The following SHB variants were observed in gnomAD, a reference collection of about 807,000 sequenced individuals.
SHB encodes the protein SH2 domain containing adaptor protein B.
Under a neutral mutation model 52.3 loss-of-function variants are expected in SHB, and 20 were observed. That is an observed-to-expected ratio of 0.38 (90% CI 0.27 to 0.56). The LOEUF (loss-of-function observed/expected upper bound fraction) is 0.56, where lower values mean the gene tolerates loss of function less well. Among genes scored for constraint, SHB ranks in the 20% least tolerant of loss-of-function variants. SHB has a pLI of 0.71. For synonymous variants in SHB, 397 were observed against 316.5 expected (o/e 1.25, Z -2.70); for missense variants, 825 against 723.3 (o/e 1.14, Z -1.61).
rs535547079 is a variant in SHB at position 38,066,695 on chromosome 9, CG to C, written c.717+1233del. On this transcript the variant is annotated intron_variant, in intron 1 of 5. Transcript: ENST00000377707. Reference sequence around the variant, plus strand: ...AGGGGAGGGGATATTCTGGGGACCTCGGGGAGGGGAGGCCAGGCAGAAAAAC... The same window carrying C: ...AGGGGAGGGGATATTCTGGGGACCTCGGGAGGGGAGGCCAGGCAGAAAAAC... Among the ~76,000 whole-genome samples the C allele has an allele frequency of 1.3e-4, 20 of 152,174 alleles. No individual in the cohort carries two copies. In the South Asian group the frequency reaches 4.2e-3, roughly 32 times the overall value.
chr9:37,937,630 G>A (rs1254472843), intron 5 of SHB, among the ~76,000 whole-genome samples: 1 of 152,254 alleles, frequency 6.6e-6, no homozygotes, highest in East Asian at 1.9e-4. Context: ...GCCTGCGTGC[G>A]AGTGTGCCGC....
chr9:37,999,953 T>C (rs1227954274), intron 2 of SHB, among the ~76,000 whole-genome samples: 1 of 152,184 alleles, frequency 6.6e-6, no homozygotes, highest in Non-Finnish European at 1.5e-5. Flanking sequence ...TATTTGGCCA[T>C]TCAGAGATTT....
intron 5 of SHB, among the ~76,000 whole-genome samples, chr9:37,946,318 G>C (rs1832490897): frequency 6.6e-6 from 1 of 152,240 alleles, no homozygotes; most frequent in South Asian, 2.1e-4. Context: ...ACCCCAGTGA[G>C]GAGGGGAAAT....
intron 3 of SHB, among the ~76,000 whole-genome samples, chr9:37,959,933 G>A (rs181556503): frequency 6.8e-4 from 104 of 152,204 alleles, no homozygotes; most frequent in Non-Finnish European, 1.2e-3. Flanking sequence ...CATAACAGGT[G>A]CTCAATAAGT....
chr9:38,017,433 C>T (rs1364515230), intron 1 of SHB, among the ~76,000 whole-genome samples: 2 of 152,374 alleles, frequency 1.3e-5, no homozygotes, highest in East Asian at 1.9e-4. Context: ...CCCCCTTTGT[C>T]TGCCTGGTAA....
chr9:37,928,593 C>T (rs1238383402), intron 5 of SHB, among the ~76,000 whole-genome samples: 1 of 152,258 alleles, frequency 6.6e-6, no homozygotes, highest in East Asian at 1.9e-4. Flanking sequence ...GCCCAGCTTC[C>T]CACAGTGCCT....
intron 1 of SHB, among the ~76,000 whole-genome samples, chr9:38,053,211 T>G (rs1821773988): frequency 6.6e-6 from 1 of 152,146 alleles, no homozygotes; most frequent in African/African-American, 2.4e-5. Flanking sequence ...ACAAACTTGT[T>G]TGCCTCAGTT....
chr9:38,044,983 T>A (rs1821631720), intron 1 of SHB, among the ~76,000 whole-genome samples: 1 of 151,964 alleles, frequency 6.6e-6, no homozygotes, highest in South Asian at 2.1e-4. Context: ...GAGCTGAACT[T>A]AAGAGGATGA....
At chr9:37,921,090 A>T (rs551049130) in intron 5 of SHB, among the ~76,000 whole-genome samples, 21 of 152,198 alleles carry the variant, frequency 1.4e-4, no homozygotes, top group African/African-American at 5.1e-4. Flanking sequence ...CTGCCCACTC[A>T]GTTCCACGCC....
chr9:38,034,048 C>T (rs1821451398), intron 1 of SHB, among the ~76,000 whole-genome samples: 2 of 152,196 alleles, frequency 1.3e-5, no homozygotes, highest in South Asian at 4.1e-4. Context: ...AACCTCATTC[C>T]TGGCCCAGCG....
chr9:37,945,814 C>A (rs1832484531), intron 5 of SHB, among the ~76,000 whole-genome samples: 1 of 152,244 alleles, frequency 6.6e-6, no homozygotes, highest in East Asian at 1.9e-4. Context: ...AGTTAGAGAA[C>A]CCCTGATGTC....
chr9:38,033,605 C>T (rs1351028383), intron 1 of SHB, among the ~76,000 whole-genome samples: 3 of 152,348 alleles, frequency 2.0e-5, no homozygotes, highest in Non-Finnish European at 2.9e-5. Flanking sequence ...TGAGTGGTCT[C>T]GTTACACTCC....
intron 1 of SHB, among the ~76,000 whole-genome samples, chr9:38,059,976 G>C (rs1200808994): frequency 6.6e-6 from 1 of 152,196 alleles, no homozygotes; most frequent in African/African-American, 2.4e-5. Context: ...ATAAATGTTG[G>C]AATCAGTCAC....
intron 5 of SHB, among the ~76,000 whole-genome samples, chr9:37,923,227 G>T (rs1344431554): frequency 3.9e-5 from 6 of 152,214 alleles, no homozygotes; most frequent in Non-Finnish European, 7.3e-5. Flanking sequence ...AGGCAGAGGG[G>T]GCGGATGAGA....
intron 3 of SHB, among the ~76,000 whole-genome samples, chr9:37,957,886 C>A (rs1401594578): frequency 1.3e-5 from 2 of 152,102 alleles, no homozygotes; most frequent in Non-Finnish European, 2.9e-5. Context: ...ACACTCCAGG[C>A]AGAAGGAAGA....
At chr9:37,969,264 A>T (rs1308866285) in intron 3 of SHB, among the ~76,000 whole-genome samples, 1 of 152,032 alleles carries the variant, frequency 6.6e-6, no homozygotes, top group Non-Finnish European at 1.5e-5. Context: ...CTGGAGTTGG[A>T]GCTGACAGGT....
rs1338034681 is a variant in SHB, at chr9:37,955,925, A to T, written c.1184T>A (p.Leu395Gln). 1 of 1,613,738 alleles carries T rather than the reference A, an allele frequency of 6.2e-7. No individual in the cohort carries two copies. The highest frequency in any genetic ancestry group is 8.5e-7 in the Non-Finnish European group (1 of 1,179,926). The stretch of plus-strand genomic sequence containing the variant: ...GACGGCAGGATCCACCCTTTCTCCT[A>T]GGATCCCGCAGAACTCAGGGCTCCC... ...KHGSPEFCGILGERVDPAVPL... is the reference protein window; with the variant it reads ...KHGSPEFCGIQGERVDPAVPL... The change falls in exon 4 of 6, where the codon CTA becomes CAA. Residue 395 changes from leucine (L) to glutamine (Q), a missense_variant. Leu to Gln is a moderately radical substitution (Grantham distance 113, BLOSUM62 -2). Coordinates refer to ENST00000377707, the MANE Select transcript of SHB (RefSeq NM_003028.3).
chr9:38,039,899 G>A lies in SHB; in HGVS notation c.718-23768C>T, dbSNP rs369048848. On this transcript the variant is annotated intron_variant, in intron 1 of 5. Coordinates refer to ENST00000377707, the MANE Select transcript of SHB (RefSeq NM_003028.3). The stretch of plus-strand genomic sequence containing the variant: ...ATGGGCCTCTCGACAGGAGTCTGGC[G>A]GCCCATGCCCTGCCCTCCATGAATC... Among the ~76,000 whole-genome samples, 82 of 152,336 alleles carry A rather than the reference G, an allele frequency of 5.4e-4. 2 individuals carry two copies. In the South Asian group the frequency reaches 0.015, roughly 28 times the overall value.
chr9:38,020,249 G>C (rs1821265112), intron 1 of SHB, among the ~76,000 whole-genome samples: 1 of 152,182 alleles, frequency 6.6e-6, no homozygotes. Context: ...GCTATTTTTG[G>C]TACAGTAGAC....
Sources: allele counts gnomAD v4.1 joint callset (sites outside exome capture counted in the v4.1 genomes callset), GRCh38; gene constraint gnomAD v4.1.1; transcripts MANE v1.5; gene names NCBI Gene and HGNC (gene_info 2026-07-23, HGNC 2026-07-21).